The following MPPED1 variants were observed in gnomAD, a reference collection of about 807,000 sequenced individuals.
The protein encoded by MPPED1 is metallophosphoesterase domain-containing protein 1.
A neutral mutation model predicts 36.2 loss-of-function variants in MPPED1; 16 were observed. That is an observed-to-expected ratio of 0.44 (90% CI 0.30 to 0.67). The LOEUF (loss-of-function observed/expected upper bound fraction) is 0.67, where lower values mean the gene tolerates loss of function less well. Among genes scored for constraint, MPPED1 ranks in the 30% least tolerant of loss-of-function variants. The pLI is 0.10. For missense variants in MPPED1, 307 were observed against 453.4 expected, an observed-to-expected ratio of 0.68 and a Z score of 2.93; for synonymous variants, 199 against 191.3, an observed-to-expected ratio of 1.04 and a Z score of -0.33.
At chr22:43,457,922 A>C (rs1237046424) in intron 3 of MPPED1, among the ~76,000 whole-genome samples, 1 of 152,234 alleles carries the variant, frequency 6.6e-6, no homozygotes, top group East Asian at 1.9e-4. Context: ...TCAATGACAG[A>C]CTGCATATAC....
chr22:43,432,220 G>GAGAGACAA (rs71186588), intron 2 of MPPED1, among the ~76,000 whole-genome samples: 3,811 of 150,438 alleles, frequency 0.025, 175 homozygotes, highest in African/African-American at 0.086. Flanking sequence ...GAGAGAGAGA[G>GAGAGACAA]ACACAGAGAG....
intron 4 of MPPED1, among the ~76,000 whole-genome samples, chr22:43,486,663 G>T (rs1424542519): frequency 6.6e-6 from 1 of 152,040 alleles, no homozygotes; most frequent in Non-Finnish European, 1.5e-5. Context: ...GACCTTCATG[G>T]TGGTGGCCAC....
chr22:43,489,561 C>A (rs556991225), intron 4 of MPPED1, among the ~76,000 whole-genome samples: 42 of 152,206 alleles, frequency 2.8e-4, no homozygotes, highest in African/African-American at 9.9e-4. Context: ...CTCTGTCGCC[C>A]AGGCTGGAGT....
chr22:43,482,108 T>C (rs1018118892), intron 4 of MPPED1, among the ~76,000 whole-genome samples: 2 of 152,164 alleles, frequency 1.3e-5, no homozygotes, highest in Admixed American at 1.3e-4. Flanking sequence ...AGAACTCAGC[T>C]GGTACAAAAT....
At chr22:43,453,804 C>A (rs1010940063) in intron 3 of MPPED1, among the ~76,000 whole-genome samples, 1 of 152,110 alleles carries the variant, frequency 6.6e-6, no homozygotes, top group Admixed American at 6.5e-5. Context: ...ATATACATGA[C>A]ATTGATCATT....
intron 4 of MPPED1, among the ~76,000 whole-genome samples, chr22:43,490,853 G>A (rs1932060141): frequency 1.3e-5 from 2 of 152,190 alleles, no homozygotes; most frequent in African/African-American, 4.8e-5. Context: ...CAGCCAGTGG[G>A]GCTCTGAATG....
At chr22:43,454,954 T>A (rs932012851) in intron 3 of MPPED1, among the ~76,000 whole-genome samples, 1 of 152,148 alleles carries the variant, frequency 6.6e-6, no homozygotes, top group African/African-American at 2.4e-5. Flanking sequence ...ACTGGGAGGC[T>A]CAAACAGCAG....
At position 43,412,039 on chromosome 22, in the gene MPPED1, G is replaced by A; in HGVS notation, c.-198G>A. 3.1e-6 allele frequency: 3 copies of A among 979,176 alleles called. No homozygotes were observed. The East Asian group carries it at 3.5e-4, about 114-fold the overall frequency. The allele number at this position is 979,176 out of a possible 1,614,324, so 60.7% of individuals were successfully genotyped here. On this transcript the variant is annotated 5_prime_UTR_variant, in exon 1 of 7. Coordinates refer to ENST00000443721, the MANE Select transcript of MPPED1 (RefSeq NM_001044370.2). ...ACTTGCAGCCTCGGACGCGCGGCGA[G>A]GCGGCCGCCGCCGGAGGAGCCCCCG...
chr22:43,481,076 G>C (rs150731863), intron 4 of MPPED1, among the ~76,000 whole-genome samples: 100 of 152,250 alleles, frequency 6.6e-4, no homozygotes, highest in African/African-American at 2.4e-3. Flanking sequence ...ACCTGCCTCG[G>C]CCTCCCAGAG....
intron 4 of MPPED1, among the ~76,000 whole-genome samples, chr22:43,484,191 A>G (rs1478150893): frequency 1.3e-5 from 2 of 152,138 alleles, no homozygotes; most frequent in Non-Finnish European, 2.9e-5. Context: ...TGAGGCAAAG[A>G]CTTTCCCCGC....
At chr22:43,501,928 C>T (rs1322289861) in intron 5 of MPPED1, among the ~76,000 whole-genome samples, 1 of 152,036 alleles carries the variant, frequency 6.6e-6, no homozygotes, top group African/African-American at 2.4e-5. Context: ...CCCCTGTCCC[C>T]TTCTTGGCAG....
intron 4 of MPPED1, among the ~76,000 whole-genome samples, chr22:43,491,210 C>T (rs1045017333): frequency 6.6e-6 from 1 of 152,154 alleles, no homozygotes; most frequent in Non-Finnish European, 1.5e-5. Context: ...GGGTGAGTCT[C>T]AGGAGGGCTC....
At chr22:43,418,135 T>A in intron 1 of MPPED1, 1 of 456,348 alleles carries the variant, frequency 2.2e-6, no homozygotes. Context: ...TGGGGATGGC[T>A]GCCTTACCGG....
At chr22:43,492,714 T>G (rs1410074251) in intron 4 of MPPED1, among the ~76,000 whole-genome samples, 1 of 152,054 alleles carries the variant, frequency 6.6e-6, no homozygotes, top group Non-Finnish European at 1.5e-5. Flanking sequence ...CATGGCTGGG[T>G]GTAGGGGACT....
At chr22:43,480,136 T>C (rs1440923308) in intron 4 of MPPED1, among the ~76,000 whole-genome samples, 1 of 152,194 alleles carries the variant, frequency 6.6e-6, no homozygotes, top group Non-Finnish European at 1.5e-5. Flanking sequence ...TGGTTTTGAC[T>C]TCCTTGTTTG....
chr22:43,487,383 G>A (rs1415689682), intron 4 of MPPED1, among the ~76,000 whole-genome samples: 1 of 152,210 alleles, frequency 6.6e-6, no homozygotes, highest in African/African-American at 2.4e-5. Context: ...GGATGGTTAA[G>A]GTTGACATGG....
Position 43,502,251 on chromosome 22 carries a change from G to C in MPPED1, c.749-393G>C, listed in dbSNP as rs1932752457. On this transcript the variant is annotated intron_variant, in intron 5 of 6. Coordinates refer to ENST00000443721, the MANE Select transcript of MPPED1 (RefSeq NM_001044370.2). This position sits in a 1 kb window ranked among gnomAD's most constrained non-coding sequence, Gnocchi z 5.5. The stretch of plus-strand genomic sequence containing the variant: ...ACTAACCACCAGGGTGCCTGCCCTT[G>C]GGACTCACCCGTCCCTCTCTGGCCT... 6.6e-6 allele frequency among the ~76,000 whole-genome samples: 1 copy of C among 152,108 alleles called. No homozygotes were observed.
chr22:43,489,090 A>C (rs1337055055), intron 4 of MPPED1, among the ~76,000 whole-genome samples: 1 of 151,374 alleles, frequency 6.6e-6, no homozygotes, highest in Non-Finnish European at 1.5e-5. Context: ...CTGAAACACC[A>C]GGGGCCACGT....
At chr22:43,463,812 TTTC>T (rs1341272697) in intron 3 of MPPED1, among the ~76,000 whole-genome samples, 5 of 21,284 alleles carry the variant, frequency 2.3e-4, no homozygotes, top group South Asian at 2.9e-3. Flanking sequence ...TTTTCTTTTC[TTTC>T]TTTCTTTCTT....
Sources: gnomAD v4.1 joint callset for allele counts (sites outside exome capture counted in the v4.1 genomes callset) on GRCh38, gnomAD v4.1.1 for gene constraint, Gnocchi (gnomAD v3.1) non-coding constraint, MANE v1.5 for transcripts, NCBI Gene and HGNC (gene_info 2026-07-23, HGNC 2026-07-21) for gene names.